Variants in OTUD7A observed in about 807,000 individuals in gnomAD.
OTUD7A encodes the protein OTU domain-containing protein 7A.
In OTUD7A, 12 loss-of-function variants were observed where a neutral mutation model predicts 65.7. The observed-to-expected ratio is 0.18, with a 90% CI of 0.12 to 0.30. OTUD7A has a LOEUF of 0.30. Ranked by LOEUF, OTUD7A falls within the 10% of genes least tolerant of loss-of-function variation. OTUD7A has a pLI of 1.00. For synonymous variants in OTUD7A, 641 were observed against 586.3 expected, an observed-to-expected ratio of 1.09 and a Z score of -1.35; for missense variants, 1,148 against 1,304.8, an observed-to-expected ratio of 0.88 and a Z score of 1.85.
intron 1 of OTUD7A, among the ~76,000 whole-genome samples, chr15:31,727,396 C>T (rs1304673581): frequency 7.0e-6 from 1 of 143,052 alleles, no homozygotes; most frequent in Non-Finnish European, 1.5e-5. Context: ...TCATTTAAAA[C>T]ATTGATCTCT....
chr15:31,759,758 C>G (rs2140902172), intron 1 of OTUD7A, among the ~76,000 whole-genome samples: 1 of 152,186 alleles, frequency 6.6e-6, no homozygotes, highest in African/African-American at 2.4e-5. Flanking sequence ...AAACTCCTGA[C>G]CTCAAGTGAT....
chr15:31,687,318 T>C (rs1200208532), intron 1 of OTUD7A, among the ~76,000 whole-genome samples: 3 of 152,130 alleles, frequency 2.0e-5, no homozygotes, highest in South Asian at 2.1e-4. Context: ...TCATTCCCTA[T>C]GCAACCTTTT....
intron 1 of OTUD7A, among the ~76,000 whole-genome samples, chr15:31,765,468 T>G (rs1895072697): frequency 6.6e-6 from 1 of 152,218 alleles, no homozygotes; most frequent in Admixed American, 6.5e-5. Flanking sequence ...AGCTCAGTTT[T>G]CAAAATTCAA....
intron 1 of OTUD7A, among the ~76,000 whole-genome samples, chr15:31,815,541 C>T (rs1896526204): frequency 2.0e-5 from 3 of 152,256 alleles, no homozygotes; most frequent in Non-Finnish European, 4.4e-5. Flanking sequence ...ACATCCAGTG[C>T]TTCTGACCTC....
Position 31,781,393 on chromosome 15 carries a change from C to T in OTUD7A, c.-100+89114G>A, listed in dbSNP as rs1409374584. On this transcript the variant is annotated intron_variant, in intron 1 of 12. Transcript: ENST00000307050. ...GCTCCAGAATAAGCCTCTGCATGAG[C>T]CCAGCCCCAGTCTTCAAGGCTTCTC... 2.6e-5 allele frequency among the ~76,000 whole-genome samples: 4 copies of T among 152,296 alleles called. No individual in the cohort carries two copies. In the South Asian group the frequency reaches 6.2e-4, roughly 24 times the overall value.
Position 31,478,757 on chromosome 15 carries a change from A to C in OTUD7A, c.*4537T>G, listed in dbSNP as rs1388574145. 1 of 152,240 alleles carries C rather than the reference A, an allele frequency of 6.6e-6. No individual in the cohort carries two copies. The highest frequency in any genetic ancestry group is 1.5e-5 in the Non-Finnish European group (1 of 68,070). 9.4% of individuals were successfully genotyped at this position (152,240 alleles called of 1,614,324 possible). ...TAACTGCTAACAGGCCAATTTGCAC[A>C]GTGCCCGGAGCTGTCTTTTGTGACA... On this transcript the variant is annotated 3_prime_UTR_variant, in exon 13 of 13. Coordinates refer to ENST00000307050, the MANE Select transcript of OTUD7A (RefSeq NM_001382637.1).
At chr15:31,832,991 T>C (rs1896972642) in intron 1 of OTUD7A, among the ~76,000 whole-genome samples, 1 of 152,214 alleles carries the variant, frequency 6.6e-6, no homozygotes, top group East Asian at 1.9e-4. Context: ...TAATTTTATG[T>C]TTAATATTTT....
intron 3 of OTUD7A, among the ~76,000 whole-genome samples, chr15:31,650,794 T>C (rs1314278505): frequency 7.3e-6 from 1 of 136,252 alleles, no homozygotes; most frequent in Non-Finnish European, 1.5e-5. Flanking sequence ...CTGGAATTAT[T>C]TGACAAAGAT....
At chr15:31,734,282 A>T (rs1894125501) in intron 1 of OTUD7A, among the ~76,000 whole-genome samples, 1 of 152,236 alleles carries the variant, frequency 6.6e-6, no homozygotes, top group Non-Finnish European at 1.5e-5. Flanking sequence ...GAAACATTTC[A>T]TGCTCATGGA....
At chr15:31,720,349 T>C (rs1217929243) in intron 1 of OTUD7A, among the ~76,000 whole-genome samples, 1 of 151,968 alleles carries the variant, frequency 6.6e-6, no homozygotes, top group Non-Finnish European at 1.5e-5. Context: ...TGAAAAATTC[T>C]CATGACCTAG....
intron 1 of OTUD7A, among the ~76,000 whole-genome samples, chr15:31,812,462 G>C (rs1896445006): frequency 6.6e-6 from 1 of 152,176 alleles, no homozygotes; most frequent in African/African-American, 2.4e-5. Flanking sequence ...AAAGAGCCTT[G>C]GGAGAAATTT....
intron 1 of OTUD7A, among the ~76,000 whole-genome samples, chr15:31,687,670 A>G (rs527722152): frequency 6.6e-6 from 1 of 152,346 alleles, no homozygotes; most frequent in Admixed American, 6.5e-5. Flanking sequence ...GTCTAACTTC[A>G]GAGTCCTCCT....
intron 12 of OTUD7A, among the ~76,000 whole-genome samples, chr15:31,485,250 C>G (rs2041220717): frequency 6.6e-6 from 1 of 152,212 alleles, no homozygotes; most frequent in South Asian, 2.1e-4. Flanking sequence ...AGTGCCTCCT[C>G]TGAAAAGATG....
At chr15:31,609,504 G>A (rs1010472280) in intron 3 of OTUD7A, among the ~76,000 whole-genome samples, 2 of 152,082 alleles carry the variant, frequency 1.3e-5, no homozygotes, top group Non-Finnish European at 2.9e-5. Flanking sequence ...AATCCTCCCA[G>A]GAACACAACT....
At chr15:31,716,799 C>T (rs530207327) in intron 1 of OTUD7A, among the ~76,000 whole-genome samples, 1 of 152,146 alleles carries the variant, frequency 6.6e-6, no homozygotes, top group African/African-American at 2.4e-5. Context: ...AGGGAGGAGG[C>T]TGCATGGGGA....
intron 1 of OTUD7A, among the ~76,000 whole-genome samples, chr15:31,753,726 TATATATA>T (rs1894727002): frequency 2.7e-5 from 3 of 111,316 alleles, no homozygotes; most frequent in Non-Finnish European, 5.5e-5. Context: ...ATATATTATA[TATATATA>T]TATATATCTC....
rs181165382 is a variant in OTUD7A at position 31,827,329 on chromosome 15, C to T, written c.-100+43178G>A. ...GGAGGCAAAGAGAGAATGACGAAGACGCAAAAGCAGAAACCCTGGATAAAC... is the reference window on the plus strand; with the variant it reads ...GGAGGCAAAGAGAGAATGACGAAGATGCAAAAGCAGAAACCCTGGATAAAC... On this transcript the variant is annotated intron_variant, in intron 1 of 12. Transcript: ENST00000307050. 1.1e-3 allele frequency among the ~76,000 whole-genome samples: 168 copies of T among 152,258 alleles called. 1 individual carries two copies. The Middle Eastern group carries it at 0.014, about 12-fold the overall frequency.
rs569384900 is a variant in OTUD7A, at chr15:31,717,235, T to TC, written c.-99-60159_-99-60158insG. 8.0e-4 allele frequency among the ~76,000 whole-genome samples: 122 copies of TC among 152,122 alleles called. 1 individual carries two copies. The highest frequency in any genetic ancestry group is 3.4e-3 in the Middle Eastern group (1 of 294). ...AACAGTTTCTCAGTCTATCACTTTT[T>TC]TTCTTTTAAAAAATTTTTATTATAC... On this transcript the variant is annotated intron_variant, in intron 1 of 12. Transcript: ENST00000307050.
chr15:31,678,881 C>G (rs1269429113), intron 1 of OTUD7A, among the ~76,000 whole-genome samples: 2 of 152,170 alleles, frequency 1.3e-5, no homozygotes, highest in South Asian at 2.1e-4. Flanking sequence ...ATCCCAGAAT[C>G]GTAGATCCAC....
Sources: gnomAD v4.1 joint callset for allele counts (sites outside exome capture counted in the v4.1 genomes callset) on GRCh38, gnomAD v4.1.1 for gene constraint, MANE v1.5 for transcripts, NCBI Gene and HGNC (gene_info 2026-07-23, HGNC 2026-07-21) for gene names.